SLC12A6: variants seen among roughly 807,000 people sequenced by gnomAD.
The protein encoded by SLC12A6 is solute carrier family 12 member 6, also known as K-Cl cotransporter 3.
In SLC12A6, 66 loss-of-function variants were observed where a neutral mutation model predicts 135.3. The observed-to-expected ratio is 0.49, with a 90% confidence interval of 0.40 to 0.60. The LOEUF (loss-of-function observed/expected upper bound fraction) is 0.60. Ranked by LOEUF, SLC12A6 falls within the 20% of genes least tolerant of loss-of-function variation. The pLI is 0.00. For synonymous variants in SLC12A6, 513 were observed against 508.8 expected (o/e 1.01, Z -0.11); for missense variants, 1,058 against 1,452.3 (o/e 0.73, Z 4.41).
At chr15:34,286,050 A>T (rs995679886) in intron 2 of SLC12A6, among the ~76,000 whole-genome samples, 1 of 151,780 alleles carries the variant, frequency 6.6e-6, no homozygotes, top group African/African-American at 2.4e-5. Flanking sequence ...CTAAAAAATT[A>T]TTAAGATGCT....
Position 34,336,548 on chromosome 15 carries a change from A to G in SLC12A6, c.133T>C (p.Phe45Leu). ...LSSRSSSRVR[F>L]SSRESVPETS... The stretch of plus-strand genomic sequence containing the variant: ...TCAGGCACGCTTTCCCGGGAGCTAA[A>G]TCTTACTCGGGAACTAGATCGAGAG... The change falls in exon 2 of 26, where the codon TTT becomes CTT. Residue 45 changes from phenylalanine to leucine, a missense_variant. Physicochemically the swap from Phe to Leu is conservative, Grantham distance 22. This residue lies in a region of SLC12A6 where 176 missense variants were observed against 168.9 expected (regional missense o/e 1.04). Transcript: ENST00000354181. 1 of 1,613,964 alleles carries G rather than the reference A, an allele frequency of 6.2e-7. No individual in the cohort carries two copies. Among genetic ancestry groups the G allele is most frequent in the Non-Finnish European group, 8.5e-7 (1 of 1,179,954 alleles).
chr15:34,319,620 G>A (rs920138957), intron 2 of SLC12A6, among the ~76,000 whole-genome samples: 1 of 151,758 alleles, frequency 6.6e-6, no homozygotes, highest in African/African-American at 2.4e-5. Flanking sequence ...CCAACATGGG[G>A]AAACCCTATC....
chr15:34,258,651 A>G (rs1045962397), intron 5 of SLC12A6, among the ~76,000 whole-genome samples, 162 bp downstream of exon 5: 5 of 152,210 alleles, frequency 3.3e-5, no homozygotes, highest in Admixed American at 6.5e-5. Context: ...AGACTGCATC[A>G]TATGTTTTCT....
chr15:34,279,090 G>C (rs1335033815), intron 2 of SLC12A6, among the ~76,000 whole-genome samples: 1 of 151,778 alleles, frequency 6.6e-6, no homozygotes, highest in Non-Finnish European at 1.5e-5. Flanking sequence ...GCTGAGGCGG[G>C]TGGATCATGA....
intron 9 of SLC12A6, among the ~76,000 whole-genome samples, 158 bp downstream of exon 9, chr15:34,254,190 G>C (rs779548216): frequency 2.0e-5 from 3 of 152,208 alleles, no homozygotes; most frequent in Non-Finnish European, 2.9e-5. Context: ...TTTGCTGGTA[G>C]GCTTCCTGCC....
At chr15:34,291,879 T>C (rs539858477) in intron 2 of SLC12A6, among the ~76,000 whole-genome samples, 1 of 152,200 alleles carries the variant, frequency 6.6e-6, no homozygotes, top group Admixed American at 6.5e-5. Flanking sequence ...AGTTAACCAT[T>C]TGTCCTACCT....
chr15:34,235,378 A>C, intron 24 of SLC12A6, 64 bp from the exon 25 acceptor site: 2 of 1,363,244 alleles, frequency 1.5e-6, no homozygotes, highest in South Asian at 2.3e-5. Context: ...GTCAACGTTA[A>C]AAACTTGAGA....
intron 1 of SLC12A6, 82 bp from the exon 2 acceptor site, chr15:34,336,834 ACTT>A (rs1890232597): frequency 1.5e-6 from 1 of 678,828 alleles, no homozygotes; most frequent in African/African-American, 1.8e-5. Flanking sequence ...AACTAAGAAT[ACTT>A]CTACTCAGAA....
rs766040539 is a variant in SLC12A6, at chr15:34,275,397, A to G, written c.272-8T>C. ...TGGAGTTCTGACTCAGGTCTGAAAA[A>G]CAAACAATTGAAAAGAAAAGAAAAA... On this transcript the variant is annotated splice_polypyrimidine_tract_variant and splice_region_variant and intron_variant, in intron 2 of 25. Transcript: ENST00000354181. The G allele has an allele frequency of 6.8e-7, 1 of 1,477,236 alleles. No homozygotes were observed. Among genetic ancestry groups the G allele is most frequent in the Non-Finnish European group, 9.5e-7 (1 of 1,056,210 alleles). 91.5% of individuals were successfully genotyped at this position (1,477,236 alleles called of 1,614,324 possible).
In SLC12A6 at chr15:34,257,885, C is replaced by T. The variant is rs56686766; in HGVS notation, c.544-97G>A. On this transcript the variant is annotated intron_variant, in intron 5 of 25. Transcript: ENST00000354181. Reference sequence around the variant, plus strand: ...ACTTGCTCCCTAACTACCATATTAACCTCCAAGCAGAAATCATAAGTTTAA... The same window carrying T: ...ACTTGCTCCCTAACTACCATATTAATCTCCAAGCAGAAATCATAAGTTTAA... The T allele has an allele frequency of 3.3e-3, 2,571 of 771,566 alleles. 56 individuals are homozygous for T. In the African/African-American group the frequency reaches 0.038, roughly 12 times the overall value. The allele number at this position is 771,566 out of a possible 1,614,324, so 47.8% of individuals were successfully genotyped here.
At chr15:34,335,561 C>T (rs1310096035) in intron 2 of SLC12A6, among the ~76,000 whole-genome samples, 2 of 152,182 alleles carry the variant, frequency 1.3e-5, no homozygotes, top group African/African-American at 4.8e-5. Flanking sequence ...CAGTACAGGT[C>T]TCAAACTTTT....
intron 2 of SLC12A6, among the ~76,000 whole-genome samples, chr15:34,307,984 T>C (rs958962771): frequency 2.6e-5 from 4 of 152,244 alleles, no homozygotes. Flanking sequence ...TTGTTATTTA[T>C]GTACCATATT....
chr15:34,248,568 CCACACA>C (rs34055235), intron 13 of SLC12A6, among the ~76,000 whole-genome samples: 22 of 149,376 alleles, frequency 1.5e-4, no homozygotes, highest in African/African-American at 4.7e-4. Context: ...ACACCCCCAC[CCACACA>C]CACACACACA....
intron 2 of SLC12A6, among the ~76,000 whole-genome samples, chr15:34,322,978 CAAAAAAAAA>C (rs1218702689): frequency 2.6e-5 from 1 of 39,038 alleles, no homozygotes; most frequent in African/African-American, 9.1e-5. Flanking sequence ...AACTCTGTCT[CAAAAAAAAA>C]AAAAAAAAAA....
chr15:34,291,768 T>C (rs1348020431), intron 2 of SLC12A6, among the ~76,000 whole-genome samples: 7 of 152,120 alleles, frequency 4.6e-5, no homozygotes, highest in African/African-American at 1.7e-4. Context: ...TTCCGCTTGA[T>C]TGAATCGGCT....
intron 2 of SLC12A6, among the ~76,000 whole-genome samples, chr15:34,302,291 G>T (rs1227987849): frequency 6.6e-6 from 1 of 152,002 alleles, no homozygotes; most frequent in Non-Finnish European, 1.5e-5. Flanking sequence ...GATACAAGAG[G>T]ACTGTACCTA....
chr15:34,322,135 C>T (rs544890952), intron 2 of SLC12A6, among the ~76,000 whole-genome samples: 2 of 152,254 alleles, frequency 1.3e-5, no homozygotes, highest in South Asian at 2.1e-4. Flanking sequence ...CCTATAATCC[C>T]AGCACTTTGG....
intron 2 of SLC12A6, among the ~76,000 whole-genome samples, chr15:34,322,200 G>A (rs1460682311): frequency 6.6e-6 from 1 of 152,040 alleles, no homozygotes; most frequent in Non-Finnish European, 1.5e-5. Flanking sequence ...CTGACCAACA[G>A]GGAGAAACAT....
rs967190979 is a variant in SLC12A6, at chr15:34,232,068, A to G, written c.*1813T>C. On this transcript the variant is annotated 3_prime_UTR_variant, in exon 26 of 26. Transcript: ENST00000354181. ...AAAACAGCCATGAATACAGGCAAGA[A>G]AAGTTTCTCTAAATAACTATTCTGT... The G allele has an allele frequency of 1.1e-4, 16 of 152,216 alleles. No individual in the cohort carries two copies. The highest frequency in any genetic ancestry group is 2.2e-4 in the Non-Finnish European group (15 of 68,046). The allele number at this position is 152,216 out of a possible 1,614,324, so 9.4% of individuals were successfully genotyped here.
Sources: gnomAD v4.1 joint callset for allele counts (sites outside exome capture counted in the v4.1 genomes callset) on GRCh38, gnomAD v4.1.1 for gene constraint, gnomAD v4.1.1 regional missense constraint, MANE v1.5 for transcripts, NCBI Gene and HGNC (gene_info 2026-07-23, HGNC 2026-07-21) for gene names.